Variants in KCNAB1 observed in about 807,000 individuals in gnomAD.
KCNAB1 encodes the protein potassium voltage-gated channel subfamily A regulatory beta subunit 1.
Under a neutral mutation model 64.6 loss-of-function variants are expected in KCNAB1, and 35 were observed. That is an observed-to-expected ratio of 0.54 (90% CI 0.41 to 0.72). KCNAB1 has a LOEUF of 0.72. Ranked by LOEUF, KCNAB1 falls within the 30% of genes least tolerant of loss-of-function variation. The probability of loss-of-function intolerance (pLI) is 0.00; values close to 1 mark genes in which losing one functional copy is unlikely to be tolerated. For synonymous variants in KCNAB1, 177 were observed against 183.8 expected, an observed-to-expected ratio of 0.96 and a Z score of 0.30; for missense variants, 401 against 512.9, an observed-to-expected ratio of 0.78 and a Z score of 2.11.
intron 1 of KCNAB1, among the ~76,000 whole-genome samples, chr3:156,384,218 G>A (rs1712395149): frequency 6.6e-6 from 1 of 152,218 alleles, no homozygotes; most frequent in Admixed American, 6.5e-5. Context: ...GTGAAACCCA[G>A]AGTGGCTAAA....
At chr3:156,315,910 T>C (rs1722242990) in intron 1 of KCNAB1, among the ~76,000 whole-genome samples, 1 of 152,218 alleles carries the variant, frequency 6.6e-6, no homozygotes, top group Non-Finnish European at 1.5e-5. Context: ...TAATAGTAGA[T>C]AACCTGACAA....
At chr3:156,408,324 C>T (rs1441329210) in intron 1 of KCNAB1, among the ~76,000 whole-genome samples, 4 of 152,170 alleles carry the variant, frequency 2.6e-5, no homozygotes, top group Non-Finnish European at 4.4e-5. Flanking sequence ...CACACTTCAA[C>T]ATCACACCAT....
chr3:156,224,229 C>G (rs1715995754), intron 1 of KCNAB1, among the ~76,000 whole-genome samples: 1 of 152,216 alleles, frequency 6.6e-6, no homozygotes, highest in East Asian at 1.9e-4. Context: ...AGTGCGGGCC[C>G]ACTGAGCCCA....
At chr3:156,461,306 C>T (rs1457465493) in intron 5 of KCNAB1, among the ~76,000 whole-genome samples, 1 of 152,210 alleles carries the variant, frequency 6.6e-6, no homozygotes, top group African/African-American at 2.4e-5. Flanking sequence ...CTCCCTCTGA[C>T]ATTCTGGGTA....
rs1722851057 is a variant in KCNAB1, at chr3:156,324,495, CATTT to C, written c.276-97117_276-97114del. Among the ~76,000 whole-genome samples the C allele has an allele frequency of 2.0e-5, 3 of 152,202 alleles. No individual in the cohort carries two copies. The South Asian group carries it at 6.2e-4, about 32-fold the overall frequency. On this transcript the variant is annotated intron_variant, in intron 1 of 13. Coordinates refer to ENST00000490337, the MANE Select transcript of KCNAB1 (RefSeq NM_172160.3). ...TGAACAGGTTTTTCAGAGGACACCT[CATTT>C]ATTCATGCATTTACTCATTCAATAG...
At chr3:156,161,473 G>C (rs1422300535) in intron 1 of KCNAB1, among the ~76,000 whole-genome samples, 1 of 152,158 alleles carries the variant, frequency 6.6e-6, no homozygotes, top group African/African-American at 2.4e-5. Flanking sequence ...ACCCTCCAGA[G>C]GACTGATGTC....
intron 1 of KCNAB1, among the ~76,000 whole-genome samples, chr3:156,278,928 G>T (rs896709512): frequency 1.3e-5 from 2 of 151,152 alleles, no homozygotes; most frequent in African/African-American, 4.9e-5. Context: ...AACAAATTTG[G>T]GAATACTTTA....
chr3:156,362,369 G>A (rs1725671527), intron 1 of KCNAB1, among the ~76,000 whole-genome samples: 1 of 152,220 alleles, frequency 6.6e-6, no homozygotes, highest in South Asian at 2.1e-4. Context: ...CTGTGCTCAT[G>A]TGAACTTGAT....
chr3:156,372,811 G>GATAAT (rs1156574787), intron 1 of KCNAB1, among the ~76,000 whole-genome samples: 1 of 152,208 alleles, frequency 6.6e-6, no homozygotes, highest in Non-Finnish European at 1.5e-5. Flanking sequence ...CCAAGGTGAG[G>GATAAT]CTGTGAAAGA....
chr3:156,535,152 A>AC (rs1553760884), intron 13 of KCNAB1, among the ~76,000 whole-genome samples: 2 of 152,230 alleles, frequency 1.3e-5, no homozygotes, highest in Non-Finnish European at 2.9e-5. Flanking sequence ...TCAGCTTCAG[A>AC]CAGTAAAACA....
At chr3:156,245,752 C>G (rs576755226) in intron 1 of KCNAB1, among the ~76,000 whole-genome samples, 1 of 152,042 alleles carries the variant, frequency 6.6e-6, no homozygotes, top group Admixed American at 6.6e-5. Context: ...ACAACCTTGC[C>G]CATGGACTGT....
chr3:156,245,751 C>T (rs1717417099), intron 1 of KCNAB1, among the ~76,000 whole-genome samples: 1 of 152,142 alleles, frequency 6.6e-6, no homozygotes, highest in African/African-American at 2.4e-5. Flanking sequence ...TACAACCTTG[C>T]CCATGGACTG....
intron 11 of KCNAB1, among the ~76,000 whole-genome samples, chr3:156,519,715 A>G (rs995783059): frequency 2.0e-5 from 3 of 152,080 alleles, no homozygotes; most frequent in African/African-American, 4.8e-5. Flanking sequence ...CATCTTCTCT[A>G]TTTCTCTCTA....
intron 1 of KCNAB1, among the ~76,000 whole-genome samples, chr3:156,224,433 G>A (rs1716020495): frequency 6.6e-6 from 1 of 152,256 alleles, no homozygotes; most frequent in Non-Finnish European, 1.5e-5. Flanking sequence ...CCAAGGCCGA[G>A]GAGGCGCCAA....
At position 156,327,496 on chromosome 3, in the gene KCNAB1, T is replaced by G. The variant is rs533458852; in HGVS notation, c.276-94120T>G. Among the ~76,000 whole-genome samples, 97 of 152,300 alleles carry G rather than the reference T, an allele frequency of 6.4e-4. 1 individual carries two copies. Among genetic ancestry groups the G allele is most frequent in the South Asian group, 2.5e-3 (12 of 4,826 alleles). Reference sequence around the variant, plus strand: ...GCAAGTTAGATATACCATTAATTTATTAACCCATATATAATGTGTACTGTG... The same window carrying G: ...GCAAGTTAGATATACCATTAATTTAGTAACCCATATATAATGTGTACTGTG... On this transcript the variant is annotated intron_variant, in intron 1 of 13. Coordinates refer to ENST00000490337, the MANE Select transcript of KCNAB1 (RefSeq NM_172160.3).
intron 1 of KCNAB1, among the ~76,000 whole-genome samples, chr3:156,216,763 C>T (rs1237922906): frequency 6.6e-6 from 1 of 152,090 alleles, no homozygotes; most frequent in Non-Finnish European, 1.5e-5. Flanking sequence ...GTAGTTTTAT[C>T]CCTGCTTGAC....
chr3:156,351,545 A>G (rs755121566), intron 1 of KCNAB1, among the ~76,000 whole-genome samples: 9 of 152,154 alleles, frequency 5.9e-5, no homozygotes, highest in Non-Finnish European at 1.2e-4. Flanking sequence ...TTTGGCATCT[A>G]ACTGGCAGTG....
Position 156,206,093 on chromosome 3 carries a change from C to G in KCNAB1, c.275+85207C>G, listed in dbSNP as rs76246008. The stretch of plus-strand genomic sequence containing the variant: ...AAGCCCATTTGGGGAGTTTGCACTC[C>G]CCAGTTTTTGGCCTCTGGAGCATTT... On this transcript the variant is annotated intron_variant, in intron 1 of 13. Coordinates refer to ENST00000490337, the MANE Select transcript of KCNAB1 (RefSeq NM_172160.3). 9.0e-3 allele frequency among the ~76,000 whole-genome samples: 1,376 copies of G among 152,270 alleles called. 33 individuals carry two copies. The highest frequency in any genetic ancestry group is 0.031 in the African/African-American group (1,275 of 41,552).
chr3:156,421,736 C>T lies in KCNAB1; in HGVS notation c.319+77C>T, dbSNP rs900106444. Reference sequence around the variant, plus strand: ...GAGGGCACCAGGGAGTGACTGTGGTCTAGGCCAGGACCTGGTCTCAGATGA... The same window carrying T: ...GAGGGCACCAGGGAGTGACTGTGGTTTAGGCCAGGACCTGGTCTCAGATGA... On this transcript the variant is annotated intron_variant, in intron 2 of 13. Coordinates refer to ENST00000490337, the MANE Select transcript of KCNAB1 (RefSeq NM_172160.3). 30 of 1,319,164 alleles carry T rather than the reference C, an allele frequency of 2.3e-5. No homozygotes were observed. The Middle Eastern group carries it at 7.7e-4, about 34-fold the overall frequency. The allele number at this position is 1,319,164 out of a possible 1,614,324, so 81.7% of individuals were successfully genotyped here.
Sources: allele counts gnomAD v4.1 joint callset (sites outside exome capture counted in the v4.1 genomes callset), GRCh38; gene constraint gnomAD v4.1.1; transcripts MANE v1.5; gene names NCBI Gene and HGNC (gene_info 2026-07-23, HGNC 2026-07-21).